Variants in NPEPPS observed in about 807,000 individuals in gnomAD.
NPEPPS encodes aminopeptidase puromycin sensitive.
NPEPPS carries 14 observed loss-of-function variants against 115.5 expected under a neutral mutation model. The observed-to-expected ratio is 0.12, with a 90% CI of 0.08 to 0.19. The LOEUF is 0.19. NPEPPS is among the 10% of genes least tolerant of loss of function. The probability of loss-of-function intolerance (pLI) is 1.00; values close to 1 mark genes in which losing one functional copy is unlikely to be tolerated. For synonymous variants in NPEPPS, 285 were observed against 390.6 expected, an observed-to-expected ratio of 0.73 and a Z score of 3.19; for missense variants, 523 against 1,110.8, an observed-to-expected ratio of 0.47 and a Z score of 7.52.
At chr17:47,615,693 C>CTAT (rs1914158435) in intron 19 of NPEPPS, among the ~76,000 whole-genome samples, 1 of 152,136 alleles carries the variant, frequency 6.6e-6, no homozygotes, top group Non-Finnish European at 1.5e-5. Flanking sequence ...TTTTTTCCAT[C>CTAT]TATTCCATGA....
upstream of NPEPPS, among the ~76,000 whole-genome samples, chr17:47,527,760 A>G (rs575781653): frequency 1.3e-5 from 2 of 151,880 alleles, no homozygotes; most frequent in South Asian, 4.2e-4. Flanking sequence ...TAAACAAGAA[A>G]AACAAAACAA....
chr17:47,576,725 A>C (rs2644362), intron 3 of NPEPPS, among the ~76,000 whole-genome samples: 2 of 152,190 alleles, frequency 1.3e-5, no homozygotes, highest in Non-Finnish European at 2.9e-5. Context: ...CGAGCTTGAT[A>C]TATGTTTCAA....
At chr17:47,547,541 T>A (rs182657917) in intron 2 of NPEPPS, among the ~76,000 whole-genome samples, 1 of 151,840 alleles carries the variant, frequency 6.6e-6, no homozygotes. Flanking sequence ...TTTATAGATA[T>A]GGGGGGGTGG....
At position 47,622,826 on chromosome 17, in the gene NPEPPS, A is replaced by G; in HGVS notation, c.*906A>G. 2.2e-6 allele frequency: 1 copy of G among 454,570 alleles called. No homozygotes were observed. The highest frequency in any genetic ancestry group is 2.4e-5 in the Admixed American group (1 of 42,222). 28.2% of individuals were successfully genotyped at this position (454,570 alleles called of 1,614,324 possible). On this transcript the variant is annotated 3_prime_UTR_variant, in exon 23 of 23. Coordinates refer to ENST00000322157, the MANE Select transcript of NPEPPS (RefSeq NM_006310.4). ...TTCTGAAGGAGTTATTCTGCTAAAAATGGTCTTAGTTGTCTGAAAAGCCAG... is the reference window on the plus strand; with the variant it reads ...TTCTGAAGGAGTTATTCTGCTAAAAGTGGTCTTAGTTGTCTGAAAAGCCAG...
At chr17:47,527,164 T>G (rs1201629165), upstream of NPEPPS, among the ~76,000 whole-genome samples, 1 of 152,068 alleles carries the variant, frequency 6.6e-6, no homozygotes, top group East Asian at 1.9e-4. Flanking sequence ...ACAGAGTTGT[T>G]GAGAATAATT....
At chr17:47,547,464 C>T (rs565495274) in intron 2 of NPEPPS, among the ~76,000 whole-genome samples, 12 of 152,070 alleles carry the variant, frequency 7.9e-5, no homozygotes, top group Middle Eastern at 3.4e-3. Flanking sequence ...TCCCACCTCA[C>T]CCTCCCAAGT....
upstream of NPEPPS, among the ~76,000 whole-genome samples, chr17:47,529,737 TTATATATATATA>T (rs56043348): frequency 0.021 from 526 of 25,432 alleles, 31 homozygotes; most frequent in African/African-American, 0.044. Flanking sequence ...TTCAGTTACA[TTATATATATATA>T]TATATATATA....
At position 47,538,530 on chromosome 17, in the gene NPEPPS, T is replaced by C. The variant is rs866544566; in HGVS notation, c.255+6975T>C. 2.6e-3 allele frequency among the ~76,000 whole-genome samples: 372 copies of C among 142,148 alleles called. 4 individuals are homozygous for C. Among genetic ancestry groups the C allele is most frequent in the African/African-American group, 7.7e-3 (295 of 38,412 alleles). 93.3% of individuals were successfully genotyped at this position (142,148 alleles called of 152,430 possible). ...CGCCTAGTCCATATCTGTTTTCTTT[T>C]TTTTTTTTTTTTTTTTGGAGACAGA... On this transcript the variant is annotated intron_variant, in intron 1 of 22. Transcript: ENST00000322157.
intron 1 of NPEPPS, among the ~76,000 whole-genome samples, chr17:47,526,019 T>C (rs1224767957): frequency 6.6e-6 from 1 of 152,150 alleles, no homozygotes; most frequent in African/African-American, 2.4e-5. Context: ...GAGATCAGCC[T>C]GACCAACATG....
chr17:47,571,559 A>G (rs1316778705), intron 3 of NPEPPS, among the ~76,000 whole-genome samples: 1 of 152,102 alleles, frequency 6.6e-6, no homozygotes, highest in Non-Finnish European at 1.5e-5. Flanking sequence ...TCTACTAAAA[A>G]TACAAAAAAT....
At chr17:47,539,954 T>C (rs1455232686) in intron 1 of NPEPPS, among the ~76,000 whole-genome samples, 1 of 152,186 alleles carries the variant, frequency 6.6e-6, no homozygotes, top group Non-Finnish European at 1.5e-5. Context: ...CTGGAGATTT[T>C]CTTTTACTGA....
In NPEPPS at chr17:47,601,763, T is replaced by TA. The variant is rs751028268; in HGVS notation, c.1740+17dup. On this transcript the variant is annotated intron_variant, in intron 15 of 22. Coordinates refer to ENST00000322157, the MANE Select transcript of NPEPPS (RefSeq NM_006310.4). ...ATGGGTGAAGGTGAGTTCAGAATCT[T>TA]ACCTAAACAGATTTCTCTCACTTAT... 2 of 1,610,494 alleles carry TA rather than the reference T, an allele frequency of 1.2e-6. No homozygotes were observed. Among genetic ancestry groups the TA allele is most frequent in the Non-Finnish European group, 8.5e-7 (1 of 1,178,374 alleles).
Position 47,619,025 on chromosome 17 carries a change from A to C in NPEPPS, c.2420A>C (p.Gln807Pro). ...TFALSEEVRP[Q>P]DTVSVIGGVA... is the part of the protein sequence containing the mutation. ...TTTTTTTAGGAAGAGGTACGTCCAC[A>C]GGACACTGTATCGGTAATTGGTGGA... is the stretch of plus-strand genomic sequence containing the variant. The change falls in exon 21 of 23, where the codon CAG becomes CCG. Residue 807 changes from glutamine to proline, a missense_variant. Around this residue, in one of 4 missense-constraint regions of NPEPPS, gnomAD observed 372 missense variants for 542.6 expected, o/e 0.69. Coordinates refer to ENST00000322157, the MANE Select transcript of NPEPPS (RefSeq NM_006310.4). 1 of 1,613,932 alleles carries C rather than the reference A, an allele frequency of 6.2e-7. No homozygotes were observed. The highest frequency in any genetic ancestry group is 8.5e-7 in the Non-Finnish European group (1 of 1,179,828).
chr17:47,588,178 A>G (rs1912302031), intron 9 of NPEPPS, among the ~76,000 whole-genome samples: 1 of 152,248 alleles, frequency 6.6e-6, no homozygotes, highest in South Asian at 2.1e-4. Context: ...CGTGTCTCAG[A>G]GAGTTTCTAC....
rs368255074 is a variant in NPEPPS, at chr17:47,543,999, A to C, written c.256-1910A>C. Among the ~76,000 whole-genome samples, 3 of 152,206 alleles carry C rather than the reference A, an allele frequency of 2.0e-5. No individual in the cohort carries two copies. The South Asian group carries it at 6.2e-4, about 32-fold the overall frequency. ...AAGCTCCGCCTCCCAGGTTCACATC[A>C]TTCTCCTGCCTCAGCCTCCCGAGTA... On this transcript the variant is annotated intron_variant, in intron 1 of 22. Coordinates refer to ENST00000322157, the MANE Select transcript of NPEPPS (RefSeq NM_006310.4).
intron 2 of NPEPPS, among the ~76,000 whole-genome samples, chr17:47,565,832 A>T (rs891208203): frequency 5.9e-5 from 9 of 152,168 alleles, no homozygotes; most frequent in African/African-American, 2.2e-4. Flanking sequence ...AAAAAAAAAA[A>T]AGTGATTTGA....
chr17:47,552,665 C>G (rs191344788), intron 2 of NPEPPS, among the ~76,000 whole-genome samples: 1 of 152,202 alleles, frequency 6.6e-6, no homozygotes, highest in East Asian at 1.9e-4. Context: ...ATATGGATTG[C>G]TTTAGTGACT....
At chr17:47,577,722 G>C (rs1344079335) in intron 3 of NPEPPS, among the ~76,000 whole-genome samples, 2 of 152,138 alleles carry the variant, frequency 1.3e-5, no homozygotes, top group Non-Finnish European at 2.9e-5. Flanking sequence ...CATTAGTGGT[G>C]ACTTTGCTCT....
At position 47,605,333 on chromosome 17, in the gene NPEPPS, G is replaced by T; in HGVS notation, c.1876G>T (p.Ala626Ser). 6.3e-7 allele frequency: 1 copy of T among 1,591,550 alleles called. No homozygotes were observed. The highest frequency in any genetic ancestry group is 8.5e-7 in the Non-Finnish European group (1 of 1,170,716). The change falls in exon 17 of 23, where the codon GCT becomes TCT. Residue 626 changes from alanine (A) to serine (S), a missense_variant and splice_region_variant. Ala to Ser is a moderately conservative substitution (Grantham distance 99). Coordinates refer to ENST00000322157, the MANE Select transcript of NPEPPS (RefSeq NM_006310.4). Reference protein sequence around the residue: ...LGLQNDLFSLARAGIISTVEV... With the variant: ...LGLQNDLFSLSRAGIISTVEV... ...TAATTTATGTTTTTTCCTATCCCAG[G>T]CTCGAGCTGGAATCATTAGCACTGT...
Sources: allele counts gnomAD v4.1 joint callset (sites outside exome capture counted in the v4.1 genomes callset), GRCh38; gene constraint gnomAD v4.1.1; regional missense constraint gnomAD v4.1.1; transcripts MANE v1.5; gene names NCBI Gene and HGNC (gene_info 2026-07-23, HGNC 2026-07-21).